The following RETREG1 variants were observed in gnomAD, a reference collection of about 807,000 sequenced individuals.
RETREG1 encodes the protein reticulophagy regulator 1.
A neutral mutation model predicts 54.8 loss-of-function variants in RETREG1; 44 were observed. The observed-to-expected ratio is 0.80, with a 90% CI of 0.63 to 1.03. The LOEUF (loss-of-function observed/expected upper bound fraction) is 1.03, where lower values mean the gene tolerates loss of function less well. Among genes scored for constraint, RETREG1 ranks in the 50% least tolerant of loss-of-function variants. RETREG1 has a pLI of 0.00. For synonymous variants in RETREG1, 217 were observed against 238.5 expected, an observed-to-expected ratio of 0.91 and a Z score of 0.83; for missense variants, 554 against 605.1, an observed-to-expected ratio of 0.92 and a Z score of 0.89.
intron 2 of RETREG1, among the ~76,000 whole-genome samples, chr5:16,568,732 G>C (rs530464625): frequency 2.0e-4 from 30 of 152,200 alleles, no homozygotes; most frequent in Non-Finnish European, 4.3e-4. Context: ...AATGGGAACA[G>C]AGTTGCAGTC....
chr5:16,501,814 G>A (rs1739727391), intron 3 of RETREG1, among the ~76,000 whole-genome samples: 1 of 152,066 alleles, frequency 6.6e-6, no homozygotes, highest in Non-Finnish European at 1.5e-5. Context: ...CAAAATGCTG[G>A]GATTACAGGC....
rs377026965 is a variant in RETREG1 at position 16,533,970 on chromosome 5, T to C, written c.458+31793A>G. Among the ~76,000 whole-genome samples the C allele has an allele frequency of 1.6e-4, 24 of 152,070 alleles. No individual in the cohort carries two copies. In the East Asian group the frequency reaches 2.1e-3, roughly 13 times the overall value. Reference sequence around the variant, plus strand: ...GTCTGGTGAGAATGCATGTGGTTGGTGGAGTGTGAGGTCTGGAGCCTACAC... The same window carrying C: ...GTCTGGTGAGAATGCATGTGGTTGGCGGAGTGTGAGGTCTGGAGCCTACAC... On this transcript the variant is annotated intron_variant, in intron 3 of 8. Coordinates refer to ENST00000306320, the MANE Select transcript of RETREG1 (RefSeq NM_001034850.3).
rs1230548027 is a variant in RETREG1 at position 16,474,575 on chromosome 5, C to T, written c.*166G>A. On this transcript the variant is annotated 3_prime_UTR_variant, in exon 9 of 9. Coordinates refer to ENST00000306320, the MANE Select transcript of RETREG1 (RefSeq NM_001034850.3). ...ATCAGAAATATCAATCTATCAGTGT[C>T]AGCTGATATATATCCAATTAATTCA... 1 of 764,734 alleles carries T rather than the reference C, an allele frequency of 1.3e-6. No homozygotes were observed. Among genetic ancestry groups the T allele is most frequent in the African/African-American group, 1.8e-5 (1 of 56,554 alleles). 47.4% of individuals were successfully genotyped at this position (764,734 alleles called of 1,614,324 possible).
intron 3 of RETREG1, among the ~76,000 whole-genome samples, chr5:16,538,721 T>G (rs1269857322): frequency 1.3e-5 from 2 of 151,426 alleles, no homozygotes; most frequent in Admixed American, 6.6e-5. Flanking sequence ...TTTTTTTTAA[T>G]TGAGACGGAG....
chr5:16,518,603 G>A (rs900930010), intron 3 of RETREG1, among the ~76,000 whole-genome samples: 1 of 152,126 alleles, frequency 6.6e-6, no homozygotes, highest in African/African-American at 2.4e-5. Context: ...TGAAAAGGGG[G>A]TTGTAAGGAG....
At chr5:16,480,051 C>T (rs748187930) in intron 5 of RETREG1, among the ~76,000 whole-genome samples, 41 of 151,950 alleles carry the variant, frequency 2.7e-4, no homozygotes, top group Non-Finnish European at 4.1e-4. Context: ...AACTAAGAAG[C>T]CATCACCATA....
intron 1 of RETREG1, among the ~76,000 whole-genome samples, chr5:16,600,946 A>T (rs1424268754): frequency 6.6e-6 from 1 of 152,258 alleles, no homozygotes; most frequent in African/African-American, 2.4e-5. Flanking sequence ...ATTTTAAATC[A>T]GTAGAATGCA....
At chr5:16,536,516 A>G (rs990431691) in intron 3 of RETREG1, among the ~76,000 whole-genome samples, 1 of 152,078 alleles carries the variant, frequency 6.6e-6, no homozygotes, top group Non-Finnish European at 1.5e-5. Context: ...GGACCCTGAC[A>G]TGCCAACACG....
At chr5:16,517,264 G>A (rs62369710) in intron 3 of RETREG1, among the ~76,000 whole-genome samples, 15,538 of 152,036 alleles carry the variant, frequency 0.1, 887 homozygotes, top group African/African-American at 0.12. Flanking sequence ...AAATCGGCCA[G>A]GATGTGTAGG....
intron 3 of RETREG1, among the ~76,000 whole-genome samples, chr5:16,495,749 C>T (rs941882193): frequency 2.6e-5 from 4 of 151,412 alleles, no homozygotes; most frequent in Admixed American, 6.6e-5. Flanking sequence ...TGCAGTGAGC[C>T]GAGATTGCAC....
At chr5:16,519,764 A>T (rs1740471061) in intron 3 of RETREG1, among the ~76,000 whole-genome samples, 1 of 152,180 alleles carries the variant, frequency 6.6e-6, no homozygotes, top group African/African-American at 2.4e-5. Flanking sequence ...GTGCTGGTAT[A>T]ACTATTAACA....
intron 1 of RETREG1, among the ~76,000 whole-genome samples, chr5:16,587,702 C>T (rs904136129): frequency 6.6e-6 from 1 of 152,176 alleles, no homozygotes. Context: ...ATTGCCACAG[C>T]TGTAGAAGAT....
At chr5:16,567,016 A>G (rs1394763852) in intron 2 of RETREG1, among the ~76,000 whole-genome samples, 8 of 152,230 alleles carry the variant, frequency 5.3e-5, no homozygotes. Context: ...ATGGTATAGG[A>G]TGGGCATTGG....
At position 16,486,164 on chromosome 5, in the gene RETREG1, GA is replaced by G. The variant is rs1198262615; in HGVS notation, c.459-2693del. On this transcript the variant is annotated intron_variant, in intron 3 of 8. Transcript: ENST00000306320. ...ATGAGAAATTCATTGTGTACAACCT[GA>G]AAATAATATCTAACCAAATGGGTTT... Among the ~76,000 whole-genome samples, 8 of 152,232 alleles carry G rather than the reference GA, an allele frequency of 5.3e-5. No individual in the cohort carries two copies. In the East Asian group the frequency reaches 1.5e-3, roughly 29 times the overall value.
intron 1 of RETREG1, among the ~76,000 whole-genome samples, chr5:16,584,038 G>A (rs919757037): frequency 6.6e-6 from 1 of 152,180 alleles, no homozygotes; most frequent in Non-Finnish European, 1.5e-5. Context: ...AAGTAACTCA[G>A]GAATGGAAAA....
intron 1 of RETREG1, among the ~76,000 whole-genome samples, chr5:16,572,800 A>G (rs1742214127): frequency 6.6e-6 from 1 of 152,162 alleles, no homozygotes; most frequent in Non-Finnish European, 1.5e-5. Context: ...GATGGGCTGC[A>G]CTACAGAGGC....
chr5:16,482,023 TG>T (rs937035454), intron 4 of RETREG1, among the ~76,000 whole-genome samples: 2 of 152,060 alleles, frequency 1.3e-5, no homozygotes, highest in Non-Finnish European at 2.9e-5. Context: ...TAACTGATGA[TG>T]ATAAAGAGCA....
chr5:16,572,111 G>A lies in RETREG1; in HGVS notation c.321-9C>T. On this transcript the variant is annotated splice_polypyrimidine_tract_variant and intron_variant, in intron 1 of 8. Transcript: ENST00000306320. ...GAGTCAATGCAAGGAACCTGCAACA[G>A]CGAAACACAAATCAGTATTTCAATT... is the stretch of plus-strand genomic sequence containing the variant. The A allele has an allele frequency of 1.3e-6, 2 of 1,582,160 alleles. No individual in the cohort carries two copies. Among genetic ancestry groups the A allele is most frequent in the Non-Finnish European group, 1.7e-6 (2 of 1,150,928 alleles).
chr5:16,518,037 T>G (rs1740414044), intron 3 of RETREG1, among the ~76,000 whole-genome samples: 1 of 150,216 alleles, frequency 6.7e-6, no homozygotes, highest in Admixed American at 6.7e-5. Flanking sequence ...ATATAATATC[T>G]CATTCATGTG....
Sources: gnomAD v4.1 joint callset for allele counts (sites outside exome capture counted in the v4.1 genomes callset) on GRCh38, gnomAD v4.1.1 for gene constraint, MANE v1.5 for transcripts, NCBI Gene and HGNC (gene_info 2026-07-23, HGNC 2026-07-21) for gene names.